Variants in MRPS9 observed in about 807,000 individuals in gnomAD.
MRPS9 encodes mitochondrial ribosomal protein S9, also known as small ribosomal subunit protein uS9m.
Under a neutral mutation model 59.9 loss-of-function variants are expected in MRPS9, and 45 were observed. The observed-to-expected ratio is 0.75, with a 90% CI of 0.59 to 0.96. MRPS9 has a LOEUF of 0.96. MRPS9 is among the 40% of genes least tolerant of loss of function. MRPS9 has a pLI of 0.00. For synonymous variants in MRPS9, 171 were observed against 166.8 expected (o/e 1.03, Z -0.19); for missense variants, 473 against 481.1 (o/e 0.98, Z 0.16).
intron 2 of MRPS9, among the ~76,000 whole-genome samples, chr2:105,058,638 C>A (rs1679835987): frequency 6.6e-6 from 1 of 151,624 alleles, no homozygotes; most frequent in African/African-American, 2.4e-5. Flanking sequence ...GTTTTGGATT[C>A]ACATTAAGTA....
chr2:105,074,716 CACAT>C (rs1304755389), intron 4 of MRPS9, among the ~76,000 whole-genome samples: 1 of 152,168 alleles, frequency 6.6e-6, no homozygotes, highest in Non-Finnish European at 1.5e-5. Flanking sequence ...GTGGCACACA[CACAT>C]ATGTATGACC....
chr2:105,062,003 A>G (rs533923765), intron 2 of MRPS9, among the ~76,000 whole-genome samples: 104 of 152,324 alleles, frequency 6.8e-4, no homozygotes, highest in South Asian at 3.7e-3. Flanking sequence ...AATGAACAAC[A>G]AAGGATAGGG....
At chr2:105,048,735 C>G (rs1679654703) in intron 1 of MRPS9, among the ~76,000 whole-genome samples, 1 of 151,864 alleles carries the variant, frequency 6.6e-6, no homozygotes, top group African/African-American at 2.4e-5. Context: ...GGTGCTCTTC[C>G]TCAGGCCATG....
Position 105,092,450 on chromosome 2 carries a change from G to A in MRPS9, c.701G>A (p.Gly234Asp), listed in dbSNP as rs149588889. Residue 234 changes from glycine (G) to aspartate (D), a missense_variant, in exon 8 of 11, where the codon GGT becomes GAT. Coordinates refer to ENST00000258455, the MANE Select transcript of MRPS9 (RefSeq NM_182640.3). ...GAAAAGTTATTGACATCGCAGTGTG[G>A]TGCTGCTGAGGAAGAATTTGTGCAG... ...LLEKLLTSQCGAAEEEFVQRF... is the reference protein window; with the variant it reads ...LLEKLLTSQCDAAEEEFVQRF... 1.5e-5 allele frequency: 24 copies of A among 1,613,830 alleles called. No individual in the cohort carries two copies. Among genetic ancestry groups the A allele is most frequent in the East Asian group, 4.5e-5 (2 of 44,866 alleles).
chr2:105,086,229 G>A (rs538432917), intron 5 of MRPS9, among the ~76,000 whole-genome samples: 83 of 152,204 alleles, frequency 5.5e-4, no homozygotes, highest in Non-Finnish European at 1.1e-3. Flanking sequence ...GGCTTAATGG[G>A]CATTATGTGA....
intron 2 of MRPS9, among the ~76,000 whole-genome samples, chr2:105,050,996 T>A (rs1679701520): frequency 6.6e-6 from 1 of 152,258 alleles, no homozygotes; most frequent in Admixed American, 6.5e-5. Context: ...CATCAGTTGA[T>A]GGGCATTTGG....
At chr2:105,098,643 T>C (rs955784673) in intron 10 of MRPS9, 2 of 152,224 alleles carry the variant, frequency 1.3e-5, no homozygotes, top group African/African-American at 4.8e-5. Context: ...TTTTGTCAAA[T>C]ACTGCTGTTT....
chr2:105,039,501 A>G (rs1191840241), intron 1 of MRPS9, among the ~76,000 whole-genome samples: 1 of 152,092 alleles, frequency 6.6e-6, no homozygotes, highest in East Asian at 1.9e-4. Context: ...CCTGGTATCT[A>G]TTCTTCTATG....
chr2:105,060,575 C>T (rs565480923), intron 2 of MRPS9, among the ~76,000 whole-genome samples: 94 of 152,274 alleles, frequency 6.2e-4, no homozygotes, highest in Non-Finnish European at 1.1e-3. Context: ...GCCACTGCAC[C>T]TGGCCGCTAT....
At chr2:105,077,215 A>G (rs1288020915) in intron 4 of MRPS9, among the ~76,000 whole-genome samples, 1 of 150,952 alleles carries the variant, frequency 6.6e-6, no homozygotes, top group African/African-American at 2.4e-5. Flanking sequence ...ACTGCACTCC[A>G]GCCTGGGCAA....
At chr2:105,040,872 G>T (rs1032416780) in intron 1 of MRPS9, among the ~76,000 whole-genome samples, 8 of 152,158 alleles carry the variant, frequency 5.3e-5, no homozygotes, top group African/African-American at 1.9e-4. Flanking sequence ...GCTTCCCAGA[G>T]GAGGCAAAGG....
At chr2:105,093,862 C>T (rs1680608248) in intron 9 of MRPS9, among the ~76,000 whole-genome samples, 1 of 152,112 alleles carries the variant, frequency 6.6e-6, no homozygotes, top group African/African-American at 2.4e-5. Flanking sequence ...CTCTTCTTCC[C>T]CTTTTCATCA....
chr2:105,056,192 T>TC (rs1459042460), intron 2 of MRPS9, among the ~76,000 whole-genome samples: 20 of 87,316 alleles, frequency 2.3e-4, no homozygotes, highest in Non-Finnish European at 3.1e-4. Flanking sequence ...ATAGGTATCT[T>TC]TTTTTTTTTT....
Position 105,052,375 on chromosome 2 carries a change from TC to T in MRPS9, c.315+3027del, listed in dbSNP as rs531000239. 3.9e-5 allele frequency among the ~76,000 whole-genome samples: 6 copies of T among 152,338 alleles called. No homozygotes were observed. In the East Asian group the frequency reaches 1.2e-3, roughly 29 times the overall value. ...GGTATTGGATATTGTCAGATGCTTTTCCATTTTGATGATGATTTGGTTTTTG... is the reference window on the plus strand; with the variant it reads ...GGTATTGGATATTGTCAGATGCTTTTCATTTTGATGATGATTTGGTTTTTG... On this transcript the variant is annotated intron_variant, in intron 2 of 10. Transcript: ENST00000258455.
chr2:105,084,394 G>T (rs1680408836), intron 5 of MRPS9, among the ~76,000 whole-genome samples: 3 of 152,014 alleles, frequency 2.0e-5, no homozygotes, highest in Admixed American at 2.0e-4. Flanking sequence ...CGTATTTGGA[G>T]AATCTCCAGT....
At chr2:105,041,315 A>C (rs1679497527) in intron 1 of MRPS9, among the ~76,000 whole-genome samples, 1 of 152,160 alleles carries the variant, frequency 6.6e-6, no homozygotes, top group South Asian at 2.1e-4. Flanking sequence ...TATTTTGAAA[A>C]ATATTTCTAC....
intron 4 of MRPS9, among the ~76,000 whole-genome samples, chr2:105,073,026 T>A (rs572211521): frequency 1.3e-5 from 2 of 152,328 alleles, no homozygotes; most frequent in African/African-American, 4.8e-5. Flanking sequence ...GAAGTAAAAC[T>A]ATGCACAGGG....
chr2:105,040,371 G>T (rs1045833001), intron 1 of MRPS9, among the ~76,000 whole-genome samples: 1 of 152,074 alleles, frequency 6.6e-6, no homozygotes, highest in Admixed American at 6.6e-5. Flanking sequence ...CTCTTCAGAG[G>T]TTACAGAAAA....
At chr2:105,064,334 A>C (rs1679959153) in intron 2 of MRPS9, among the ~76,000 whole-genome samples, 1 of 141,308 alleles carries the variant, frequency 7.1e-6, no homozygotes, top group African/African-American at 2.6e-5. Flanking sequence ...AAGTAATTAC[A>C]GGACCAGAAT....
Sources: gnomAD v4.1 joint callset for allele counts (sites outside exome capture counted in the v4.1 genomes callset) on GRCh38, gnomAD v4.1.1 for gene constraint, MANE v1.5 for transcripts, NCBI Gene and HGNC (gene_info 2026-07-23, HGNC 2026-07-21) for gene names.